CAMSAP1: variants seen among roughly 807,000 people sequenced by gnomAD.
CAMSAP1 encodes calmodulin-regulated spectrin-associated protein 1.
In CAMSAP1, 58 loss-of-function variants were observed where a neutral mutation model predicts 143.5. The observed-to-expected ratio is 0.40, with a 90% CI of 0.33 to 0.50. The LOEUF is 0.50. Among genes scored for constraint, CAMSAP1 ranks in the 20% least tolerant of loss-of-function variants. The pLI is 0.45. For missense variants in CAMSAP1, 1,969 were observed against 2,115.7 expected, an observed-to-expected ratio of 0.93 and a Z score of 1.36; for synonymous variants, 945 against 859.3, an observed-to-expected ratio of 1.10 and a Z score of -1.74.
At chr9:135,902,541 A>C (rs1172743433) in intron 1 of CAMSAP1, among the ~76,000 whole-genome samples, 1 of 152,264 alleles carries the variant, frequency 6.6e-6, no homozygotes, top group Non-Finnish European at 1.5e-5. Context: ...AGTCACTACA[A>C]GGAAACAATA....
intron 1 of CAMSAP1, among the ~76,000 whole-genome samples, chr9:135,885,868 C>G (rs1013882161): frequency 5.3e-5 from 8 of 152,158 alleles, no homozygotes; most frequent in Admixed American, 4.6e-4. Context: ...TTCCATCCGG[C>G]CTAAGGAAGA....
At chr9:135,852,389 T>A (rs1332849701) in intron 5 of CAMSAP1, among the ~76,000 whole-genome samples, 1 of 152,206 alleles carries the variant, frequency 6.6e-6, no homozygotes, top group East Asian at 1.9e-4. Flanking sequence ...GTGCTTTTTA[T>A]AATTTTGGCA....
At chr9:135,878,630 C>T (rs1837830288) in intron 3 of CAMSAP1, among the ~76,000 whole-genome samples, 1 of 152,158 alleles carries the variant, frequency 6.6e-6, no homozygotes, top group African/African-American at 2.4e-5. Flanking sequence ...AGCTTTGGGG[C>T]ACAGCTCGAA....
rs1355790507 is a variant in CAMSAP1, at chr9:135,839,114, C to T, written c.1045+11023G>A. 3.3e-5 allele frequency among the ~76,000 whole-genome samples: 5 copies of T among 152,308 alleles called. No individual in the cohort carries two copies. The East Asian group carries it at 5.8e-4, about 18-fold the overall frequency. On this transcript the variant is annotated intron_variant, in intron 7 of 16. Coordinates refer to ENST00000389532, the MANE Select transcript of CAMSAP1 (RefSeq NM_015447.4). ...TTCGCTACACACTTTCTACTTGGTT[C>T]GGCGCCCTTCGGTTCTGCTCCTGTA...
intron 1 of CAMSAP1, among the ~76,000 whole-genome samples, chr9:135,885,756 A>C (rs966580976): frequency 3.9e-5 from 6 of 152,240 alleles, no homozygotes; most frequent in African/African-American, 1.4e-4. Flanking sequence ...AATTCACATA[A>C]ATTTCAGATG....
chr9:135,856,086 A>C (rs1226927176), intron 5 of CAMSAP1, among the ~76,000 whole-genome samples: 2 of 152,192 alleles, frequency 1.3e-5, no homozygotes, highest in Admixed American at 6.5e-5. Context: ...AAAACAAAAA[A>C]GCCAAACTAT....
At chr9:135,856,071 A>G (rs1836958321) in intron 5 of CAMSAP1, among the ~76,000 whole-genome samples, 1 of 152,200 alleles carries the variant, frequency 6.6e-6, no homozygotes, top group African/African-American at 2.4e-5. Flanking sequence ...CAAAAAAATA[A>G]AACAAAAACA....
chr9:135,850,375 T>A lies in CAMSAP1; in HGVS notation c.895A>T (p.Lys299Ter). The A allele has an allele frequency of 6.2e-7, 1 of 1,611,410 alleles. No homozygotes were observed. Residue 299 changes from lysine to a stop codon, truncating the protein, a stop_gained, in exon 6 of 17, where the codon AAA becomes TAA. Coordinates refer to ENST00000389532, the MANE Select transcript of CAMSAP1 (RefSeq NM_015447.4). LOFTEE classifies it high-confidence loss of function. ...TCTTCCAAGGTGAGATAAAAACATT[T>A]ATTAAGATATTCATTGGAGAATTCT... ...LREFSNEYLN[K>*]CFYLTLEDML...
chr9:135,837,780 A>C (rs1393794447), intron 7 of CAMSAP1, among the ~76,000 whole-genome samples: 2 of 132,732 alleles, frequency 1.5e-5, no homozygotes, highest in Non-Finnish European at 3.1e-5. Context: ...CGCACTTTCT[A>C]CCGGTTCTAC....
chr9:135,853,222 A>G (rs1404290239), intron 5 of CAMSAP1, among the ~76,000 whole-genome samples: 2 of 152,122 alleles, frequency 1.3e-5, no homozygotes, highest in African/African-American at 4.8e-5. Context: ...GCCACTACTC[A>G]CAACCTTACT....
Position 135,907,030 on chromosome 9 carries a change from G to C in CAMSAP1, c.130C>G (p.Gln44Glu). The C allele has an allele frequency of 1.7e-6, 2 of 1,196,008 alleles. No individual in the cohort carries two copies. The highest frequency in any genetic ancestry group is 2.2e-5 in the South Asian group (1 of 45,758). The allele number at this position is 1,196,008 out of a possible 1,614,324, so 74.1% of individuals were successfully genotyped here. A position where few individuals can be genotyped will look rare whatever the true frequency, so the allele number is the denominator to read the frequency against. The change falls in exon 1 of 17, where the codon CAG becomes GAG. Residue 44 changes from glutamine (Q) to glutamate (E), a missense_variant. By Grantham distance (29) the Gln-to-Glu change is conservative. This residue lies in a region of CAMSAP1 where 215 missense variants were observed against 196.2 expected (regional missense o/e 1.10). Transcript: ENST00000389532. ...AARAKIAANL[Q>E]WICAKAYGRD... ...CCGTAGGCCTTGGCGCAGATCCACT[G>C]CAGGTTGGCGGCGATCTTGGCGCGC... is the stretch of plus-strand genomic sequence containing the variant.
At chr9:135,905,930 T>A (rs1838763140) in intron 1 of CAMSAP1, among the ~76,000 whole-genome samples, 1 of 152,182 alleles carries the variant, frequency 6.6e-6, no homozygotes, top group African/African-American at 2.4e-5. Flanking sequence ...TCTTCCTCAT[T>A]ACAACACAGA....
chr9:135,846,503 T>C (rs915556849), intron 7 of CAMSAP1, among the ~76,000 whole-genome samples: 2 of 151,902 alleles, frequency 1.3e-5, no homozygotes, highest in South Asian at 2.1e-4. Flanking sequence ...GCAAAAGCAA[T>C]GGCAACAAAA....
At chr9:135,839,052 C>A (rs369173306) in intron 7 of CAMSAP1, among the ~76,000 whole-genome samples, 1 of 152,208 alleles carries the variant, frequency 6.6e-6, no homozygotes, top group African/African-American at 2.4e-5. Flanking sequence ...TCAAGACACA[C>A]ATCATCACAC....
intron 7 of CAMSAP1, among the ~76,000 whole-genome samples, chr9:135,841,691 G>A (rs952241256): frequency 3.0e-4 from 46 of 152,240 alleles, no homozygotes; most frequent in African/African-American, 1.1e-3. Flanking sequence ...ACCTCTGCTG[G>A]TGATATCCAG....
At chr9:135,876,299 CG>C (rs1395149787) in intron 3 of CAMSAP1, among the ~76,000 whole-genome samples, 1 of 152,072 alleles carries the variant, frequency 6.6e-6, no homozygotes, top group Non-Finnish European at 1.5e-5. Context: ...AAAAGGTGGC[CG>C]GCCTGGGAGA....
At chr9:135,902,876 G>C (rs191790746) in intron 1 of CAMSAP1, among the ~76,000 whole-genome samples, 9 of 152,178 alleles carry the variant, frequency 5.9e-5, no homozygotes, top group Non-Finnish European at 1.0e-4. Context: ...ATGAACTGGC[G>C]AACCCTAAGC....
intron 14 of CAMSAP1, among the ~76,000 whole-genome samples, chr9:135,817,176 C>T (rs1157016768): frequency 6.6e-6 from 1 of 152,176 alleles, no homozygotes; most frequent in African/African-American, 2.4e-5. Flanking sequence ...GGCCATTCAT[C>T]GCCCCAAACC....
At chr9:135,904,910 A>G (rs918763873) in intron 1 of CAMSAP1, among the ~76,000 whole-genome samples, 2 of 151,504 alleles carry the variant, frequency 1.3e-5, no homozygotes, top group Non-Finnish European at 2.9e-5. Context: ...GGTTGCGGTG[A>G]GCTGAGGTCG....
Sources: gnomAD v4.1 joint callset for allele counts (sites outside exome capture counted in the v4.1 genomes callset) on GRCh38, gnomAD v4.1.1 for gene constraint, gnomAD v4.1.1 regional missense constraint, MANE v1.5 for transcripts, NCBI Gene and HGNC (gene_info 2026-07-23, HGNC 2026-07-21) for gene names.